DLG1: variants seen among roughly 807,000 people sequenced by gnomAD.
The protein encoded by DLG1 is discs large MAGUK scaffold protein 1.
Under a neutral mutation model 123.4 loss-of-function variants are expected in DLG1, and 42 were observed. That is an observed-to-expected ratio of 0.34 (90% CI 0.27 to 0.44). The LOEUF (loss-of-function observed/expected upper bound fraction) is 0.44, where lower values mean the gene tolerates loss of function less well. Ranked by LOEUF, DLG1 falls within the 20% of genes least tolerant of loss-of-function variation. The probability of loss-of-function intolerance (pLI) is 1.00; values close to 1 mark genes in which losing one functional copy is unlikely to be tolerated. For synonymous variants in DLG1, 317 were observed against 356.2 expected (o/e 0.89, Z 1.24); for missense variants, 942 against 1,082.6 (o/e 0.87, Z 1.82).
At chr3:197,098,552 C>G (rs987995075) in intron 14 of DLG1, among the ~76,000 whole-genome samples, 1 of 152,094 alleles carries the variant, frequency 6.6e-6, no homozygotes, top group African/African-American at 2.4e-5. Context: ...AGTCTTCCCA[C>G]CCGCCCCCAC....
At chr3:197,136,768 T>C in intron 9 of DLG1, 90 bp from the exon 10 acceptor site, 1 of 1,106,960 alleles carries the variant, frequency 9.0e-7, no homozygotes, top group Non-Finnish European at 1.3e-6. Context: ...AATTATTCCC[T>C]CACACTAATA....
chr3:197,149,908 A>ATG, intron 5 of DLG1, 112 bp from the exon 6 acceptor site: 1 of 683,416 alleles, frequency 1.5e-6, no homozygotes, highest in Non-Finnish European at 2.6e-6. Context: ...ATAATCTTAT[A>ATG]TGAGCTTTTT....
At chr3:197,183,347 A>G (rs1713640079) in intron 5 of DLG1, among the ~76,000 whole-genome samples, 1 of 152,182 alleles carries the variant, frequency 6.6e-6, no homozygotes, top group South Asian at 2.1e-4. Flanking sequence ...AAGTCATTCA[A>G]TTGAATCTGA....
intron 14 of DLG1, among the ~76,000 whole-genome samples, chr3:197,098,056 T>G (rs1483500670): frequency 6.6e-6 from 1 of 152,172 alleles, no homozygotes; most frequent in African/African-American, 2.4e-5. Flanking sequence ...TATGTTTTAG[T>G]TTGAAAAATA....
chr3:197,177,437 T>C (rs1357145428), intron 5 of DLG1, among the ~76,000 whole-genome samples: 4 of 152,178 alleles, frequency 2.6e-5, no homozygotes, highest in Admixed American at 1.3e-4. Context: ...CTAATGAATA[T>C]GAACAATTCC....
intron 4 of DLG1, among the ~76,000 whole-genome samples, chr3:197,215,216 T>C (rs910702222): frequency 1.3e-5 from 2 of 152,284 alleles, no homozygotes; most frequent in South Asian, 2.1e-4. Context: ...TTAGACAGGC[T>C]GATGACTGGA....
At chr3:197,273,849 C>CA (rs58880007) in intron 4 of DLG1, among the ~76,000 whole-genome samples, 40 of 48,710 alleles carry the variant, frequency 8.2e-4, no homozygotes, top group South Asian at 2.9e-3. Context: ...TAATAGCTAC[C>CA]AAAAAAAAAA....
chr3:197,201,639 A>G (rs1021724033), intron 4 of DLG1, among the ~76,000 whole-genome samples: 2 of 152,202 alleles, frequency 1.3e-5, no homozygotes, highest in African/African-American at 4.8e-5. Context: ...CTACAAGGAA[A>G]ACTACAAAAC....
intron 16 of DLG1, among the ~76,000 whole-genome samples, chr3:197,083,358 G>T (rs1752336861): frequency 6.6e-6 from 1 of 152,116 alleles, no homozygotes; most frequent in Non-Finnish European, 1.5e-5. Context: ...GAATTAACTA[G>T]TTATAATAAA....
chr3:197,223,679 T>C (rs886853745), intron 4 of DLG1, among the ~76,000 whole-genome samples: 3 of 152,262 alleles, frequency 2.0e-5, no homozygotes, highest in African/African-American at 4.8e-5. Flanking sequence ...GCAATACTGG[T>C]ATTAGTTTAT....
intron 5 of DLG1, among the ~76,000 whole-genome samples, chr3:197,185,847 T>C (rs574459126): frequency 6.6e-6 from 1 of 152,208 alleles, no homozygotes; most frequent in East Asian, 1.9e-4. Flanking sequence ...CCAAAAGACA[T>C]ACAATAGTAG....
At chr3:197,279,802 T>G (rs1560133247) in intron 4 of DLG1, among the ~76,000 whole-genome samples, 2 of 152,308 alleles carry the variant, frequency 1.3e-5, no homozygotes, top group South Asian at 2.1e-4. Context: ...GGAAAAAAAC[T>G]TTCAGCTTAC....
At chr3:197,298,959 T>G (rs1213020045), upstream of DLG1, 1 of 170,012 alleles carries the variant, frequency 5.9e-6, no homozygotes, top group African/African-American at 2.4e-5. Context: ...CATTCATTCA[T>G]TCATTCATTT....
chr3:197,097,365 C>T (rs555509641), intron 14 of DLG1, among the ~76,000 whole-genome samples: 156 of 152,256 alleles, frequency 1.0e-3, no homozygotes, highest in African/African-American at 3.7e-3. Context: ...CCTGTTGCAT[C>T]CCCTTGCACA....
chr3:197,059,516 CT>C (rs1242332435), intron 23 of DLG1, among the ~76,000 whole-genome samples: 3 of 149,970 alleles, frequency 2.0e-5, no homozygotes, highest in African/African-American at 7.4e-5. Context: ...TCTATTTGTT[CT>C]TTCTTAATTT....
At chr3:197,174,792 A>T (rs542323787) in intron 5 of DLG1, among the ~76,000 whole-genome samples, 8 of 151,914 alleles carry the variant, frequency 5.3e-5, no homozygotes, top group Non-Finnish European at 1.2e-4. Flanking sequence ...GTGGCTGTTA[A>T]AAAAAAATTA....
At chr3:197,292,550 T>C (rs559108444) in intron 3 of DLG1, among the ~76,000 whole-genome samples, 21 of 152,210 alleles carry the variant, frequency 1.4e-4, no homozygotes, top group Non-Finnish European at 2.5e-4. Context: ...TGAATACATT[T>C]CACACTCCTG....
chr3:197,275,081 G>C (rs990492929), intron 4 of DLG1, among the ~76,000 whole-genome samples: 1 of 151,912 alleles, frequency 6.6e-6, no homozygotes, highest in East Asian at 1.9e-4. Flanking sequence ...AGCTACTCAG[G>C]TGGCTGAGGC....
At chr3:197,296,642 T>C (rs1018638660) in intron 2 of DLG1, 165 bp from the exon 3 acceptor site, 20 of 424,020 alleles carry the variant, frequency 4.7e-5, no homozygotes, top group Non-Finnish European at 6.5e-5. Context: ...GACCAAAAAA[T>C]AAAAAAAAAA....
Sources: gnomAD v4.1 joint callset for allele counts (sites outside exome capture counted in the v4.1 genomes callset) on GRCh38, gnomAD v4.1.1 for gene constraint, MANE v1.5 for transcripts, NCBI Gene and HGNC (gene_info 2026-07-23, HGNC 2026-07-21) for gene names.